FMN1: variants seen among roughly 807,000 people sequenced by gnomAD.
FMN1 encodes formin-1.
In FMN1, 110 loss-of-function variants were observed where a neutral mutation model predicts 132.4. That is an observed-to-expected ratio of 0.83 (90% CI 0.71 to 0.97). The LOEUF is 0.97. Ranked by LOEUF, FMN1 falls within the 50% of genes least tolerant of loss-of-function variation. The pLI is 0.00. For missense variants in FMN1, 1,792 were observed against 1,705.3 expected (o/e 1.05, Z -0.90); for synonymous variants, 722 against 651.7 (o/e 1.11, Z -1.64).
intron 6 of FMN1, among the ~76,000 whole-genome samples, chr15:33,021,324 C>A (rs1415687343): frequency 6.6e-6 from 1 of 151,796 alleles, no homozygotes; most frequent in Non-Finnish European, 1.5e-5. Flanking sequence ...ATTATTACAG[C>A]AATAGCTGAT....
At chr15:32,909,868 A>G (rs1305984538) in intron 11 of FMN1, among the ~76,000 whole-genome samples, 1 of 147,106 alleles carries the variant, frequency 6.8e-6, no homozygotes, top group Non-Finnish European at 1.5e-5. Flanking sequence ...CATATATTAA[A>G]TCCTCATTTG....
At chr15:33,158,365 G>A (rs978040918) in intron 3 of FMN1, among the ~76,000 whole-genome samples, 4 of 151,758 alleles carry the variant, frequency 2.6e-5, no homozygotes, top group African/African-American at 9.7e-5. Flanking sequence ...CTCAAGTCAA[G>A]GTTTAGAAAA....
At chr15:32,857,519 TATTGC>T (rs2059163725) in intron 16 of FMN1, among the ~76,000 whole-genome samples, 1 of 152,064 alleles carries the variant, frequency 6.6e-6, no homozygotes, top group Non-Finnish European at 1.5e-5. Context: ...TTGAAAAATA[TATTGC>T]AGAAATTCTC....
rs115772006 is a variant in FMN1, at chr15:32,779,454, C to T, written c.4131-2535G>A. On this transcript the variant is annotated intron_variant, in intron 19 of 20. Coordinates refer to ENST00000616417, the MANE Select transcript of FMN1 (RefSeq NM_001277313.2). ...ATGCAGGGGAATGGGAAGTGCCACA[C>T]AGTGCACTAAGGAGAAGAAATTGGT... Among the ~76,000 whole-genome samples the T allele has an allele frequency of 8.0e-3, 1,211 of 152,224 alleles. 18 individuals carry two copies. Among genetic ancestry groups the T allele is most frequent in the African/African-American group, 0.028 (1,153 of 41,524 alleles).
chr15:33,152,957 G>A (rs935229310), intron 4 of FMN1, 91 bp downstream of exon 4: 5 of 1,323,246 alleles, frequency 3.8e-6, no homozygotes, highest in Non-Finnish European at 5.0e-6. Context: ...TTGGTCCATT[G>A]TTAATCAGTC....
chr15:32,926,046 T>C (rs2060951246), intron 10 of FMN1, 128 bp downstream of exon 10: 2 of 592,738 alleles, frequency 3.4e-6, no homozygotes, highest in South Asian at 2.4e-5. Flanking sequence ...TTGATGGTTC[T>C]GTAGCTGAGT....
rs79737118 is a variant in FMN1 at position 32,978,764 on chromosome 15, G to A, written c.2224-9287C>T. 2.1e-3 allele frequency among the ~76,000 whole-genome samples: 314 copies of A among 152,092 alleles called. 5 individuals are homozygous for A. The highest frequency in any genetic ancestry group is 0.016 in the Admixed American group (241 of 15,282). ...ATGCCTCACACACTTGTCTATAAAC[G>A]GATACTATCCCATGGCCAATGTCCA... On this transcript the variant is annotated intron_variant, in intron 7 of 20. Transcript: ENST00000616417.
intron 6 of FMN1, among the ~76,000 whole-genome samples, chr15:33,048,291 C>G (rs1012343434): frequency 3.1e-4 from 47 of 151,978 alleles, no homozygotes; most frequent in African/African-American, 1.1e-3. Flanking sequence ...TTAGCCATAT[C>G]CCTTAGCTAT....
rs760285192 is a variant in FMN1 at position 32,901,902 on chromosome 15, T to C, written c.3507+9A>G. ...CAAGGCTATCTTTTAAATTAGACAG[T>C]AAACATACCTTAGAAGCTCGCGTGA... On this transcript the variant is annotated intron_variant, in intron 13 of 20. Coordinates refer to ENST00000616417, the MANE Select transcript of FMN1 (RefSeq NM_001277313.2). The C allele has an allele frequency of 2.5e-6, 4 of 1,599,552 alleles. No individual in the cohort carries two copies. The highest frequency in any genetic ancestry group is 3.4e-6 in the Non-Finnish European group (4 of 1,175,340).
At chr15:32,840,147 G>A (rs1455526034) in intron 17 of FMN1, among the ~76,000 whole-genome samples, 1 of 152,178 alleles carries the variant, frequency 6.6e-6, no homozygotes, top group Non-Finnish European at 1.5e-5. Flanking sequence ...TCCCAGTCTA[G>A]GGTGCTGCTC....
At chr15:33,167,711 T>C (rs4780090) in intron 3 of FMN1, among the ~76,000 whole-genome samples, 123,626 of 152,224 alleles carry the variant, frequency 0.81, 50,688 homozygotes, top group Middle Eastern at 0.92. Flanking sequence ...ATTTGTATGT[T>C]ATATGTATTA....
intron 9 of FMN1, among the ~76,000 whole-genome samples, chr15:32,940,310 T>C (rs1567432595): frequency 6.6e-6 from 1 of 152,122 alleles, no homozygotes; most frequent in African/African-American, 2.4e-5. Context: ...CGTCATTGTA[T>C]CAACGCTGAA....
intron 7 of FMN1, among the ~76,000 whole-genome samples, chr15:33,003,843 G>A (rs1033512061): frequency 1.3e-5 from 2 of 152,152 alleles, no homozygotes; most frequent in South Asian, 2.1e-4. Context: ...TACCAAAACA[G>A]AGATATAGAT....
chr15:33,174,192 A>G (rs960822143), intron 3 of FMN1, among the ~76,000 whole-genome samples: 2 of 152,084 alleles, frequency 1.3e-5, no homozygotes, highest in Non-Finnish European at 2.9e-5. Context: ...TTCTTTTCCC[A>G]AAGAAAAGAA....
At chr15:33,037,992 G>C (rs1203361336) in intron 6 of FMN1, among the ~76,000 whole-genome samples, 1 of 152,192 alleles carries the variant, frequency 6.6e-6, no homozygotes, top group South Asian at 2.1e-4. Flanking sequence ...GGAGGCCAAG[G>C]CAGGCAGATC....
At chr15:32,900,282 A>G in intron 13 of FMN1, 157 bp from the exon 14 acceptor site, 1 of 770,112 alleles carries the variant, frequency 1.3e-6, no homozygotes, top group Non-Finnish European at 2.2e-6. Context: ...TTACTAAGCC[A>G]TGAGTGTCTT....
chr15:32,805,984 T>C (rs2057666045), intron 17 of FMN1, among the ~76,000 whole-genome samples: 1 of 144,062 alleles, frequency 6.9e-6, no homozygotes, highest in Non-Finnish European at 1.5e-5. Flanking sequence ...TTGGGGTGGT[T>C]CTTTTATATA....
chr15:33,192,724 T>C (rs894630264), intron 2 of FMN1, among the ~76,000 whole-genome samples: 1 of 152,150 alleles, frequency 6.6e-6, no homozygotes, highest in African/African-American at 2.4e-5. Context: ...ATAAAGACAA[T>C]GGAAAAAAAT....
chr15:33,117,448 G>A (rs1454921588), intron 4 of FMN1, among the ~76,000 whole-genome samples: 1 of 152,084 alleles, frequency 6.6e-6, no homozygotes, highest in Admixed American at 6.6e-5. Context: ...ATTTCTCGGC[G>A]TTTTCTTATT....
Sources: gnomAD v4.1 joint callset for allele counts (sites outside exome capture counted in the v4.1 genomes callset) on GRCh38, gnomAD v4.1.1 for gene constraint, MANE v1.5 for transcripts, NCBI Gene and HGNC (gene_info 2026-07-23, HGNC 2026-07-21) for gene names.